Variants in MYO1E observed in about 807,000 individuals in gnomAD.
The protein encoded by MYO1E is myosin IE, also known as unconventional myosin-Ie.
In MYO1E, 68 loss-of-function variants were observed where a neutral mutation model predicts 151.1. That is an observed-to-expected ratio of 0.45 (90% CI 0.37 to 0.55). MYO1E has a LOEUF of 0.55. Among genes scored for constraint, MYO1E ranks in the 20% least tolerant of loss-of-function variants. The probability of loss-of-function intolerance (pLI) is 0.00; values close to 1 mark genes in which losing one functional copy is unlikely to be tolerated. For missense variants in MYO1E, 1,363 were observed against 1,389.3 expected (o/e 0.98, Z 0.30); for synonymous variants, 601 against 501.7 (o/e 1.20, Z -2.64).
intron 22 of MYO1E, among the ~76,000 whole-genome samples, chr15:59,167,533 A>T (rs1229567864): frequency 6.6e-6 from 1 of 152,066 alleles, no homozygotes; most frequent in Non-Finnish European, 1.5e-5. Context: ...TCCTTCAAAA[A>T]CCCAGGCATG....
At position 59,176,252 on chromosome 15, in the gene MYO1E, G is replaced by C. The variant is rs188100908; in HGVS notation, c.2050-2012C>G. Among the ~76,000 whole-genome samples, 584 of 152,150 alleles carry C rather than the reference G, an allele frequency of 3.8e-3. 17 individuals carry two copies. Among genetic ancestry groups the C allele is most frequent in the East Asian group, 5.8e-3 (30 of 5,156 alleles). On this transcript the variant is annotated intron_variant, in intron 19 of 27. Coordinates refer to ENST00000288235, the MANE Select transcript of MYO1E (RefSeq NM_004998.4). ...TTTTTTTGTATTTTTAGTAGAGATG[G>C]GGTTTCGCCGTGTTAGCCAGGATGG...
At chr15:59,279,989 CA>C (rs2080343755) in intron 1 of MYO1E, among the ~76,000 whole-genome samples, 1 of 152,050 alleles carries the variant, frequency 6.6e-6, no homozygotes, top group African/African-American at 2.4e-5. Context: ...AAAGTTAGAT[CA>C]AATAAGATAA....
intron 26 of MYO1E, among the ~76,000 whole-genome samples, chr15:59,139,002 CGAGT>C (rs1194558513): frequency 1.3e-5 from 2 of 152,110 alleles, no homozygotes; most frequent in African/African-American, 4.8e-5. Context: ...CACCACTGCG[CGAGT>C]GAGTGTGTCA....
At chr15:59,336,112 T>A (rs1265445587) in intron 1 of MYO1E, among the ~76,000 whole-genome samples, 1 of 151,884 alleles carries the variant, frequency 6.6e-6, no homozygotes, top group Non-Finnish European at 1.5e-5. Flanking sequence ...AGCTCAGGCC[T>A]GTAATCCCAA....
At position 59,153,783 on chromosome 15, in the gene MYO1E, G is replaced by C; in HGVS notation, c.2887C>G (p.Gln963Glu). 1 of 1,613,098 alleles carries C rather than the reference G, an allele frequency of 6.2e-7. No homozygotes were observed. Among genetic ancestry groups the C allele is most frequent in the Non-Finnish European group, 8.5e-7 (1 of 1,179,098 alleles). The change falls in exon 26 of 28, where the codon CAG becomes GAG. Residue 963 changes from glutamine to glutamate, a missense_variant. Transcript: ENST00000288235. ...RAAPPPPGYHQNGVIRNQYVP... is the reference protein window; with the variant it reads ...RAAPPPPGYHENGVIRNQYVP... ...TACTGGTTTCTGATGACTCCGTTCT[G>C]ATGGTATCCTAGAGAGAGGAACAGA...
At chr15:59,210,923 T>G (rs2079874883) in intron 12 of MYO1E, among the ~76,000 whole-genome samples, 1 of 152,044 alleles carries the variant, frequency 6.6e-6, no homozygotes, top group South Asian at 2.1e-4. Flanking sequence ...AACATAGGAC[T>G]GGGCGCGGTG....
At chr15:59,361,260 G>A (rs996733223) in intron 1 of MYO1E, among the ~76,000 whole-genome samples, 1 of 152,198 alleles carries the variant, frequency 6.6e-6, no homozygotes, top group East Asian at 1.9e-4. Context: ...CCACGCCAGT[G>A]CACAAAATCA....
intron 1 of MYO1E, among the ~76,000 whole-genome samples, chr15:59,306,948 G>C (rs553392075): frequency 1.3e-5 from 2 of 152,146 alleles, no homozygotes; most frequent in African/African-American, 4.8e-5. Context: ...TCTCATTCCT[G>C]TATCTTTGCA....
chr15:59,268,732 T>TTTTTTTTTTTTTTTTTTTTTTTTTTTTTG, intron 2 of MYO1E, among the ~76,000 whole-genome samples: 1 of 135,560 alleles, frequency 7.4e-6, no homozygotes, highest in African/African-American at 2.6e-5. Context: ...TTTTTTTTTT[T>TTTTTTTTTTTTTTTTTTTTTTTTTTTTTG]TTTTTTTTTG....
At chr15:59,302,801 T>G (rs1192512253) in intron 1 of MYO1E, among the ~76,000 whole-genome samples, 4 of 152,180 alleles carry the variant, frequency 2.6e-5, no homozygotes, top group Admixed American at 2.6e-4. Context: ...ACAAATATGT[T>G]AAAAATTATT....
chr15:59,186,669 T>C (rs2079700285), intron 18 of MYO1E, among the ~76,000 whole-genome samples: 1 of 152,180 alleles, frequency 6.6e-6, no homozygotes, highest in Non-Finnish European at 1.5e-5. Flanking sequence ...AGAGAATGGC[T>C]TGAGCCCAGG....
intron 9 of MYO1E, among the ~76,000 whole-genome samples, chr15:59,221,690 G>A (rs1379638670): frequency 6.6e-6 from 1 of 152,186 alleles, no homozygotes; most frequent in African/African-American, 2.4e-5. Context: ...GCAGTTGCCA[G>A]TGCTCGGCCT....
intron 1 of MYO1E, among the ~76,000 whole-genome samples, chr15:59,307,359 G>T (rs887878683): frequency 1.3e-5 from 2 of 152,194 alleles, no homozygotes; most frequent in Non-Finnish European, 2.9e-5. Flanking sequence ...TTTTCTATTG[G>T]AAGGAGAACA....
At chr15:59,208,172 C>A in intron 14 of MYO1E, 1 of 1,245,912 alleles carries the variant, frequency 8.0e-7, no homozygotes, top group Non-Finnish European at 1.1e-6. Context: ...ACTTGAATTC[C>A]TAAAAGATGG....
chr15:59,252,443 AGT>A (rs2080170359), intron 4 of MYO1E, among the ~76,000 whole-genome samples: 1 of 152,106 alleles, frequency 6.6e-6, no homozygotes, highest in Admixed American at 6.6e-5. Flanking sequence ...GGCTGGGTGC[AGT>A]GGCTCATGCC....
intron 1 of MYO1E, among the ~76,000 whole-genome samples, chr15:59,302,085 G>A (rs1208134721): frequency 6.6e-6 from 1 of 152,076 alleles, no homozygotes; most frequent in Non-Finnish European, 1.5e-5. Flanking sequence ...AAGAACATGG[G>A]GTCTGGCCAA....
chr15:59,330,398 G>A (rs796924958), intron 1 of MYO1E, among the ~76,000 whole-genome samples: 1 of 152,150 alleles, frequency 6.6e-6, no homozygotes, highest in Admixed American at 6.5e-5. Flanking sequence ...ACATTAGGTC[G>A]GTGATGTTAA....
At chr15:59,269,315 G>A (rs1408536926) in intron 2 of MYO1E, among the ~76,000 whole-genome samples, 1 of 152,062 alleles carries the variant, frequency 6.6e-6, no homozygotes, top group Non-Finnish European at 1.5e-5. Context: ...AGGCACAGAG[G>A]TCACAAAACG....
chr15:59,214,472 T>G (rs1341944137), intron 11 of MYO1E, among the ~76,000 whole-genome samples, 158 bp from the exon 12 acceptor site: 1 of 152,240 alleles, frequency 6.6e-6, no homozygotes, highest in Non-Finnish European at 1.5e-5. Flanking sequence ...ACTAATTTGG[T>G]AAAGGCACAT....
Sources: gnomAD v4.1 joint callset for allele counts (sites outside exome capture counted in the v4.1 genomes callset) on GRCh38, gnomAD v4.1.1 for gene constraint, MANE v1.5 for transcripts, NCBI Gene and HGNC (gene_info 2026-07-23, HGNC 2026-07-21) for gene names.